Variants in CCSER1 observed in about 807,000 individuals in gnomAD.
CCSER1 encodes serine-rich coiled-coil domain-containing protein 1.
In CCSER1, 41 loss-of-function variants were observed where a neutral mutation model predicts 82.0. The observed-to-expected ratio is 0.50, with a 90% CI of 0.39 to 0.65. CCSER1 has a LOEUF of 0.65. Ranked by LOEUF, CCSER1 falls within the 30% of genes least tolerant of loss-of-function variation. The pLI is 0.00. For synonymous variants in CCSER1, 414 were observed against 383.9 expected (o/e 1.08, Z -0.92); for missense variants, 1,119 against 1,064.2 (o/e 1.05, Z -0.72).
At chr4:91,527,214 A>C (rs540688691) in intron 10 of CCSER1, among the ~76,000 whole-genome samples, 2 of 152,356 alleles carry the variant, frequency 1.3e-5, no homozygotes, top group African/African-American at 4.8e-5. Context: ...ATAGCATTTT[A>C]AGAACAATGA....
intron 5 of CCSER1, among the ~76,000 whole-genome samples, chr4:90,480,153 T>C (rs1323259165): frequency 1.3e-5 from 2 of 152,212 alleles, no homozygotes; most frequent in African/African-American, 2.4e-5. Context: ...TTTCATGTGT[T>C]TTTTGGCTGC....
intron 8 of CCSER1, among the ~76,000 whole-genome samples, chr4:90,899,085 G>A (rs998967418): frequency 2.0e-5 from 3 of 151,892 alleles, no homozygotes; most frequent in Non-Finnish European, 4.4e-5. Context: ...AGCATATCAT[G>A]TTTCTCTATT....
At chr4:91,251,735 A>C (rs192451532) in intron 10 of CCSER1, among the ~76,000 whole-genome samples, 2 of 152,304 alleles carry the variant, frequency 1.3e-5, no homozygotes, top group South Asian at 2.1e-4. Flanking sequence ...AAAATTATGG[A>C]ATATTACATA....
At chr4:91,501,557 C>A (rs75817729) in intron 10 of CCSER1, among the ~76,000 whole-genome samples, 6 of 152,046 alleles carry the variant, frequency 3.9e-5, no homozygotes, top group Admixed American at 2.6e-4. Flanking sequence ...TTATTTGTAT[C>A]TTTTCACTTA....
At chr4:90,185,379 C>T (rs1298270171) in intron 1 of CCSER1, among the ~76,000 whole-genome samples, 1 of 151,970 alleles carries the variant, frequency 6.6e-6, no homozygotes, top group East Asian at 1.9e-4. Context: ...TAGTTGAGTA[C>T]TTGAAAGGCA....
rs1170877461 is a variant in CCSER1 at position 90,685,595 on chromosome 4, C to A, written c.1933-38319C>A. ...TGGGAAAACACAGACATATGTAAGACCCTCAGCTCAAGTTTAGGGTCTCTG... is the reference window on the plus strand; with the variant it reads ...TGGGAAAACACAGACATATGTAAGAACCTCAGCTCAAGTTTAGGGTCTCTG... On this transcript the variant is annotated intron_variant, in intron 6 of 10. Coordinates refer to ENST00000509176, the MANE Select transcript of CCSER1 (RefSeq NM_001145065.2). Among the ~76,000 whole-genome samples the A allele has an allele frequency of 3.3e-5, 5 of 152,164 alleles. No individual in the cohort carries two copies. The South Asian group carries it at 8.3e-4, about 25-fold the overall frequency.
At chr4:90,815,114 A>C (rs905093394) in intron 7 of CCSER1, among the ~76,000 whole-genome samples, 4 of 152,192 alleles carry the variant, frequency 2.6e-5, no homozygotes, top group Non-Finnish European at 5.9e-5. Context: ...GGAAACTTAC[A>C]ATCATGGTGG....
chr4:90,566,083 C>T (rs1161444764), intron 5 of CCSER1, among the ~76,000 whole-genome samples: 1 of 150,796 alleles, frequency 6.6e-6, no homozygotes, highest in Non-Finnish European at 1.5e-5. Flanking sequence ...GTCTCAAACT[C>T]CTGACCTCAA....
intron 5 of CCSER1, among the ~76,000 whole-genome samples, chr4:90,548,559 T>C (rs1411795485): frequency 1.3e-5 from 2 of 151,928 alleles, no homozygotes; most frequent in Non-Finnish European, 2.9e-5. Context: ...GCCTAGAAAC[T>C]CTAAGACTCT....
chr4:91,253,304 A>G (rs770033381), intron 10 of CCSER1, among the ~76,000 whole-genome samples: 5 of 152,158 alleles, frequency 3.3e-5, no homozygotes, highest in Non-Finnish European at 5.9e-5. Context: ...AATACATTAT[A>G]TAATTTATAT....
intron 10 of CCSER1, among the ~76,000 whole-genome samples, chr4:91,580,664 A>G (rs1482192052): frequency 1.3e-5 from 2 of 151,704 alleles, no homozygotes; most frequent in Non-Finnish European, 3.0e-5. Context: ...ATGATGGCAA[A>G]GCTGAGATTC....
intron 1 of CCSER1, among the ~76,000 whole-genome samples, chr4:90,255,111 T>C (rs1223278091): frequency 2.0e-5 from 3 of 152,056 alleles, no homozygotes; most frequent in Admixed American, 6.6e-5. Context: ...AAAGCATAAG[T>C]CAAGCAAAAT....
At chr4:91,222,209 A>G (rs1737809009) in intron 10 of CCSER1, among the ~76,000 whole-genome samples, 1 of 150,942 alleles carries the variant, frequency 6.6e-6, no homozygotes, top group Non-Finnish European at 1.5e-5. Flanking sequence ...AGACAAGCAG[A>G]AGGAGGCAGC....
intron 9 of CCSER1, among the ~76,000 whole-genome samples, chr4:91,051,953 C>T (rs1743042960): frequency 6.6e-6 from 1 of 152,032 alleles, no homozygotes; most frequent in South Asian, 2.1e-4. Flanking sequence ...ACTTAAAAAT[C>T]TACCACAGTA....
intron 10 of CCSER1, among the ~76,000 whole-genome samples, chr4:91,569,798 C>G (rs1588983): frequency 1 from 151,719 of 152,268 alleles, 75,587 homozygotes; most frequent in East Asian, 1. Context: ...TCTGCCCCTG[C>G]CTCCTCCCAA....
At chr4:90,929,199 A>G (rs1188912716) in intron 9 of CCSER1, among the ~76,000 whole-genome samples, 1 of 152,148 alleles carries the variant, frequency 6.6e-6, no homozygotes, top group Non-Finnish European at 1.5e-5. Context: ...GAAACTAAAC[A>G]AATTTAGAAA....
chr4:91,465,021 GA>G (rs1244803219), intron 10 of CCSER1, among the ~76,000 whole-genome samples: 8 of 152,154 alleles, frequency 5.3e-5, no homozygotes, highest in African/African-American at 1.9e-4. Flanking sequence ...GACATCTACA[GA>G]ACTCTCCACC....
intron 7 of CCSER1, among the ~76,000 whole-genome samples, chr4:90,761,939 T>TTAACA (rs1750470654): frequency 6.6e-6 from 1 of 152,042 alleles, no homozygotes; most frequent in Non-Finnish European, 1.5e-5. Flanking sequence ...AACTTGAGAA[T>TTAACA]AATCAAGAAA....
intron 6 of CCSER1, among the ~76,000 whole-genome samples, chr4:90,687,132 A>G (rs921999667): frequency 4.6e-5 from 7 of 152,224 alleles, no homozygotes; most frequent in Non-Finnish European, 1.0e-4. Flanking sequence ...ATTTCCAGGT[A>G]TCTTAGAACA....
Sources: gnomAD v4.1 joint callset for allele counts (sites outside exome capture counted in the v4.1 genomes callset) on GRCh38, gnomAD v4.1.1 for gene constraint, MANE v1.5 for transcripts, NCBI Gene and HGNC (gene_info 2026-07-23, HGNC 2026-07-21) for gene names.